The following ARSG variants were observed in gnomAD, a reference collection of about 807,000 sequenced individuals.
ARSG encodes ASG.
ARSG carries 37 observed loss-of-function variants against 50.5 expected under a neutral mutation model. The observed-to-expected ratio is 0.73, with a 90% CI of 0.56 to 0.96. ARSG has a LOEUF of 0.96. Among genes scored for constraint, ARSG ranks in the 50% least tolerant of loss-of-function variants. The pLI, the probability that ARSG is intolerant of heterozygous loss-of-function variation, is 0.00. For missense variants in ARSG, 629 were observed against 675.3 expected (o/e 0.93, Z 0.76); for synonymous variants, 225 against 254.6 (o/e 0.88, Z 1.11).
At chr17:68,420,902 C>CTAAT (rs2082727642), downstream of ARSG, 1 of 176,820 alleles carries the variant, frequency 5.7e-6, no homozygotes, top group Non-Finnish European at 1.2e-5. Context: ...TAAATCCATT[C>CTAAT]TAATTAGTAT....
In ARSG at chr17:68,343,708, T is replaced by G; in HGVS notation, c.323T>G (p.Val108Gly). 6.2e-7 allele frequency: 1 copy of G among 1,614,232 alleles called. No individual in the cohort carries two copies. Among genetic ancestry groups the G allele is most frequent in the Non-Finnish European group, 8.5e-7 (1 of 1,180,042 alleles). ...AATGGAGTCACACGCAACTTTGCAG[T>G]CACTTCTGTGGGAGGCCTTCCGCTC... ...LRNGVTRNFA[V>G]TSVGGLPLNE... Residue 108 changes from valine to glycine, a missense_variant, in exon 3 of 12, where the codon GTC becomes GGC. Val to Gly is a moderately radical substitution (Grantham distance 109, BLOSUM62 -3). Transcript: ENST00000621439.
At chr17:68,451,048 G>A in the ARSG span, 6 of 1,104,052 alleles carry the variant, frequency 5.4e-6, no homozygotes, top group Non-Finnish European at 7.5e-6. Context: ...CATTGACAGT[G>A]ATCCACCATG....
chr17:68,427,402 G>A, downstream of ARSG: 1 of 585,446 alleles, frequency 1.7e-6, no homozygotes, highest in Non-Finnish European at 2.9e-6. Flanking sequence ...TATTGCCCAG[G>A]CTGGAGTGCA....
chr17:68,338,403 C>T (rs894735243), intron 2 of ARSG, among the ~76,000 whole-genome samples: 1 of 152,182 alleles, frequency 6.6e-6, no homozygotes, highest in Non-Finnish European at 1.5e-5. Context: ...CCAAGACTGG[C>T]TGTGGAGTGG....
chr17:68,332,700 CTT>C (rs1277757233), intron 2 of ARSG, among the ~76,000 whole-genome samples: 1 of 152,140 alleles, frequency 6.6e-6, no homozygotes, highest in Non-Finnish European at 1.5e-5. Context: ...ATTTGGAGAA[CTT>C]AATAAATGTC....
At chr17:68,292,451 C>T (rs1555756611) in intron 1 of ARSG, among the ~76,000 whole-genome samples, 1 of 152,242 alleles carries the variant, frequency 6.6e-6, no homozygotes, top group East Asian at 1.9e-4. Flanking sequence ...ATTTCAGAGC[C>T]TGCGGGGGCG....
intron 1 of ARSG, among the ~76,000 whole-genome samples, chr17:68,273,130 T>G (rs1228454193): frequency 6.6e-6 from 1 of 152,168 alleles, no homozygotes; most frequent in Non-Finnish European, 1.5e-5. Flanking sequence ...CAGGAAAAAT[T>G]TAAAGTCTGC....
rs1352385652 is a variant in ARSG at position 68,271,189 on chromosome 17, A to G, written c.-552+11763A>G. On this transcript the variant is annotated intron_variant, in intron 1 of 11. Transcript: ENST00000448504. This position sits in a 1 kb window ranked among gnomAD's most constrained non-coding sequence, Gnocchi z 5.3. ...TAAAAAAGCAGCGCGGTCCTGGTCA[A>G]TGCCCAGACTAATGCCCAGAGGAAT... 1.9e-6 allele frequency: 3 copies of G among 1,613,994 alleles called. No individual in the cohort carries two copies. The highest frequency in any genetic ancestry group is 2.2e-5 in the South Asian group (2 of 91,088).
In ARSG at chr17:68,282,624, C is replaced by T. The variant is rs573203793; in HGVS notation, c.-552+23198C>T. Among the ~76,000 whole-genome samples, 28 of 151,194 alleles carry T rather than the reference C, an allele frequency of 1.9e-4. No homozygotes were observed. The South Asian group carries it at 5.9e-3, about 32-fold the overall frequency. ...GAACAGCCTGGGTAATATAGGGAGA[C>T]GCTGTCTCTACAAAAAAGTATAAGA... is the stretch of plus-strand genomic sequence containing the variant. On this transcript the variant is annotated intron_variant, in intron 1 of 11. Transcript: ENST00000448504.
At chr17:68,300,433 A>G (rs2076369258) in intron 1 of ARSG, among the ~76,000 whole-genome samples, 1 of 152,244 alleles carries the variant, frequency 6.6e-6, no homozygotes. Flanking sequence ...ATAAGTAAAT[A>G]CAGCTTTGTA....
downstream of ARSG, chr17:68,424,607 G>A (rs554520731): frequency 1.3e-5 from 6 of 465,526 alleles, no homozygotes; most frequent in East Asian, 5.6e-5. Context: ...CGGGTGCGGC[G>A]GTTCACGCCT....
intron 1 of ARSG, among the ~76,000 whole-genome samples, chr17:68,276,007 T>C (rs2075505067): frequency 6.6e-6 from 1 of 150,526 alleles, no homozygotes; most frequent in Non-Finnish European, 1.5e-5. Flanking sequence ...TTAAGTTATC[T>C]TGATACTCAC....
chr17:68,291,940 C>G (rs1340988012), intron 1 of ARSG, among the ~76,000 whole-genome samples: 3 of 151,996 alleles, frequency 2.0e-5, no homozygotes, highest in African/African-American at 7.2e-5. Context: ...CGCGCCCGCC[C>G]CGGGCAGAAC....
intron 11 of ARSG, among the ~76,000 whole-genome samples, chr17:68,418,537 T>C (rs890124261): frequency 6.6e-6 from 1 of 152,256 alleles, no homozygotes; most frequent in East Asian, 1.9e-4. Context: ...CTTTGAGATC[T>C]ACCCATTCTC....
intron 2 of ARSG, among the ~76,000 whole-genome samples, chr17:68,330,586 T>G (rs1356940580): frequency 6.6e-6 from 1 of 151,576 alleles, no homozygotes; most frequent in Non-Finnish European, 1.5e-5. Context: ...AGTGACAGGG[T>G]GGGGGGTGCT....
intron 5 of ARSG, among the ~76,000 whole-genome samples, chr17:68,355,507 C>T (rs959517327): frequency 1.3e-5 from 2 of 152,116 alleles, no homozygotes; most frequent in African/African-American, 4.8e-5. Context: ...TACAGGCGTG[C>T]AGCACCACGG....
intron 1 of ARSG, among the ~76,000 whole-genome samples, chr17:68,265,986 A>G (rs1191517505): frequency 2.6e-5 from 4 of 152,192 alleles, no homozygotes; most frequent in Non-Finnish European, 5.9e-5. Flanking sequence ...CTTTACAGAA[A>G]AAGTTTGCCA....
chr17:68,295,746 C>A (rs1262201111), intron 1 of ARSG, among the ~76,000 whole-genome samples: 1 of 135,400 alleles, frequency 7.4e-6, no homozygotes, highest in East Asian at 2.3e-4. Context: ...GTGGCGCGAT[C>A]TTGGCTCACT....
intron 6 of ARSG, chr17:68,359,414 T>G (rs2079182275): frequency 6.6e-6 from 1 of 152,050 alleles, no homozygotes; most frequent in African/African-American, 2.4e-5. Flanking sequence ...ACAGTCACCC[T>G]CCCCGCCCCC....
Sources: allele counts gnomAD v4.1 joint callset (sites outside exome capture counted in the v4.1 genomes callset), GRCh38; gene constraint gnomAD v4.1.1; non-coding constraint Gnocchi (gnomAD v3.1); transcripts MANE v1.5; gene names NCBI Gene and HGNC (gene_info 2026-07-23, HGNC 2026-07-21).